B4GALT1: variants seen among roughly 807,000 people sequenced by gnomAD.
The protein encoded by B4GALT1 is beta-1,4-galactosyltransferase 1.
Under a neutral mutation model 34.9 loss-of-function variants are expected in B4GALT1, and 16 were observed. The ratio of observed to expected loss-of-function variants is 0.46; its 90% CI spans 0.31 to 0.70. The LOEUF (loss-of-function observed/expected upper bound fraction) is 0.70, where lower values mean the gene tolerates loss of function less well. Among genes scored for constraint, B4GALT1 ranks in the 30% least tolerant of loss-of-function variants. The pLI is 0.05. For missense variants in B4GALT1, 445 were observed against 530.5 expected (o/e 0.84, Z 1.58); for synonymous variants, 221 against 218.1 (o/e 1.01, Z -0.12).
chr9:33,139,938 T>A (rs747946066), intron 1 of B4GALT1, among the ~76,000 whole-genome samples: 3 of 152,216 alleles, frequency 2.0e-5, no homozygotes, highest in Non-Finnish European at 4.4e-5. Context: ...GATGAGCAGA[T>A]GTAAGCTGTC....
the B4GALT1 span, among the ~76,000 whole-genome samples, chr9:33,184,811 T>A: frequency 5.9e-5 from 9 of 152,244 alleles, no homozygotes; most frequent in African/African-American, 2.2e-4. Flanking sequence ...AGACCTGGCT[T>A]GTTAAATAGC....
chr9:33,137,637 G>A (rs545477450), intron 1 of B4GALT1, among the ~76,000 whole-genome samples: 3 of 116,412 alleles, frequency 2.6e-5, no homozygotes, highest in South Asian at 3.2e-4. Context: ...ACAGCATCTC[G>A]GGCCCTTCCC....
chr9:33,119,982 G>A (rs916882884), intron 3 of B4GALT1, among the ~76,000 whole-genome samples: 4 of 152,050 alleles, frequency 2.6e-5, no homozygotes, highest in East Asian at 1.9e-4. Context: ...TCAGGAGTTC[G>A]AGACCAGACT....
At chr9:33,146,466 AC>A (rs2118221131) in intron 1 of B4GALT1, among the ~76,000 whole-genome samples, 1 of 152,272 alleles carries the variant, frequency 6.6e-6, no homozygotes, top group South Asian at 2.1e-4. Flanking sequence ...TGGGGCAGCC[AC>A]CTGTGTCCTC....
intron 3 of B4GALT1, among the ~76,000 whole-genome samples, chr9:33,119,243 C>T (rs6476398): frequency 0.37 from 56,605 of 152,096 alleles, 11,251 homozygotes; most frequent in East Asian, 0.6. Flanking sequence ...TATATATTTA[C>T]TTTTAAGACA....
At chr9:33,116,198 A>G in intron 3 of B4GALT1, 85 bp from the exon 4 acceptor site, 2 of 1,490,190 alleles carry the variant, frequency 1.3e-6, no homozygotes, top group Non-Finnish European at 1.8e-6. Flanking sequence ...GAACATAAAC[A>G]CTTTTAAAGT....
In B4GALT1 at chr9:33,135,410, T is replaced by TCA; in HGVS notation, c.425_426dup (p.Ile143Ter). 1 of 1,613,994 alleles carries TCA rather than the reference T, an allele frequency of 6.2e-7. No homozygotes were observed. The highest frequency in any genetic ancestry group is 8.5e-7 in the Non-Finnish European group (1 of 1,180,008). On this transcript the variant is annotated frameshift_variant, in exon 2 of 6. Coordinates refer to ENST00000379731, the MANE Select transcript of B4GALT1 (RefSeq NM_001497.4). LOFTEE classifies it high-confidence loss of function. ...AGGTCCACAGGCATGTTAAACTCAA[T>TCA]CAGCATGGGGCCCACTAGAGAGGTG...
chr9:33,131,034 C>A (rs1840187595), intron 2 of B4GALT1, among the ~76,000 whole-genome samples: 1 of 152,174 alleles, frequency 6.6e-6, no homozygotes, highest in South Asian at 2.1e-4. Flanking sequence ...AAACTGAGGC[C>A]TGCAGAGCTT....
intron 3 of B4GALT1, among the ~76,000 whole-genome samples, chr9:33,117,425 G>C (rs989357468): frequency 6.6e-6 from 1 of 152,122 alleles, no homozygotes; most frequent in Non-Finnish European, 1.5e-5. Flanking sequence ...ACTCCTAAGG[G>C]ATACAAAGTC....
chr9:33,173,459 G>A, the B4GALT1 span, among the ~76,000 whole-genome samples: 1 of 149,934 alleles, frequency 6.7e-6, no homozygotes, highest in Non-Finnish European at 1.5e-5. Flanking sequence ...AGTTACCCAA[G>A]TTTCTGACAG....
the B4GALT1 span, among the ~76,000 whole-genome samples, chr9:33,176,703 C>G: frequency 6.6e-6 from 1 of 152,134 alleles, no homozygotes; most frequent in Non-Finnish European, 1.5e-5. Flanking sequence ...GGGACTCCAG[C>G]AGAGGTGGAG....
chr9:33,147,245 CTTTTTT>C lies in B4GALT1; in HGVS notation c.413-11827_413-11822del, dbSNP rs59219360. Among the ~76,000 whole-genome samples, 378 of 136,532 alleles carry C rather than the reference CTTTTTT, an allele frequency of 2.8e-3. 1 individual carries two copies. Among genetic ancestry groups the C allele is most frequent in the African/African-American group, 9.4e-3 (342 of 36,488 alleles). 89.6% of individuals were successfully genotyped at this position (136,532 alleles called of 152,430 possible). ...CACTCTAAGAGGAAGACAAGTCATT[CTTTTTT>C]TTTTTTTTTTTTTCCCCCTGAGATG... is the stretch of plus-strand genomic sequence containing the variant. On this transcript the variant is annotated intron_variant, in intron 1 of 5. Coordinates refer to ENST00000379731, the MANE Select transcript of B4GALT1 (RefSeq NM_001497.4).
rs191812078 is a variant in B4GALT1 at position 33,151,454 on chromosome 9, A to G, written c.412+15304T>C. 1.4e-4 allele frequency among the ~76,000 whole-genome samples: 21 copies of G among 151,496 alleles called. No homozygotes were observed. In the East Asian group the frequency reaches 4.1e-3, roughly 30 times the overall value. ...GACCTTGGACTGTGGAGGGCCCACT[A>G]CTCCTATGGGCCATCTGGGCACTCA... is the stretch of plus-strand genomic sequence containing the variant. On this transcript the variant is annotated intron_variant, in intron 1 of 5. Coordinates refer to ENST00000379731, the MANE Select transcript of B4GALT1 (RefSeq NM_001497.4).
rs1840781626 is a variant in B4GALT1 at position 33,167,330 on chromosome 9, T to C, written c.-161A>G. On this transcript the variant is annotated 5_prime_UTR_variant, in exon 1 of 6. Coordinates refer to ENST00000379731, the MANE Select transcript of B4GALT1 (RefSeq NM_001497.4). ...TGAGACTCCTCCAGCCAGCCAGACCTGGGAGCGGCGAGAAGCCGCCCGAGG... is the reference window on the plus strand; with the variant it reads ...TGAGACTCCTCCAGCCAGCCAGACCCGGGAGCGGCGAGAAGCCGCCCGAGG... 1.1e-6 allele frequency: 1 copy of C among 950,168 alleles called. No homozygotes were observed. Among genetic ancestry groups the C allele is most frequent in the South Asian group, 3.7e-5 (1 of 27,072 alleles). 58.9% of individuals were successfully genotyped at this position (950,168 alleles called of 1,614,324 possible). A position where few individuals can be genotyped will look rare whatever the true frequency, so the allele number is the denominator to read the frequency against.
At chr9:33,166,624 G>T in intron 1 of B4GALT1, 134 bp downstream of exon 1, 2 of 1,118,206 alleles carry the variant, frequency 1.8e-6, no homozygotes, top group Non-Finnish European at 2.4e-6. Context: ...CTCTGTCTGG[G>T]ATTTAAAACT....
At chr9:33,141,564 C>A (rs1466961587) in intron 1 of B4GALT1, among the ~76,000 whole-genome samples, 7 of 152,160 alleles carry the variant, frequency 4.6e-5, no homozygotes, top group African/African-American at 1.4e-4. Flanking sequence ...AGGAGACCAG[C>A]AAAGCCAACA....
chr9:33,167,924 A>G (rs1840796453), upstream of B4GALT1, among the ~76,000 whole-genome samples: 1 of 152,224 alleles, frequency 6.6e-6, no homozygotes, highest in South Asian at 2.1e-4. Flanking sequence ...TCCTGCGGCA[A>G]AGAAAGTGGA....
At chr9:33,155,801 A>C (rs994430709) in intron 1 of B4GALT1, among the ~76,000 whole-genome samples, 4 of 152,224 alleles carry the variant, frequency 2.6e-5, no homozygotes, top group African/African-American at 9.7e-5. Context: ...GTGCCCAAGA[A>C]GATGAGTTAG....
At chr9:33,177,366 G>C in the B4GALT1 span, 6 of 152,030 alleles carry the variant, frequency 3.9e-5, no homozygotes, top group Non-Finnish European at 8.8e-5. Context: ...TTAGATTTTT[G>C]TTATGGAAGC....
Sources: allele counts gnomAD v4.1 joint callset (sites outside exome capture counted in the v4.1 genomes callset), GRCh38; gene constraint gnomAD v4.1.1; transcripts MANE v1.5; gene names NCBI Gene and HGNC (gene_info 2026-07-23, HGNC 2026-07-21).